Variants in SPOCK3 observed in about 807,000 individuals in gnomAD.
SPOCK3 encodes testican-3.
A neutral mutation model predicts 56.6 loss-of-function variants in SPOCK3; 30 were observed. The observed-to-expected ratio is 0.53, with a 90% confidence interval of 0.40 to 0.72. The LOEUF (loss-of-function observed/expected upper bound fraction) is 0.72. Ranked by LOEUF, SPOCK3 falls within the 30% of genes least tolerant of loss-of-function variation. The probability of loss-of-function intolerance (pLI) is 0.00; values close to 1 mark genes in which losing one functional copy is unlikely to be tolerated. For synonymous variants in SPOCK3, 196 were observed against 183.3 expected (o/e 1.07, Z -0.56); for missense variants, 527 against 530.0 (o/e 0.99, Z 0.06).
At chr4:167,014,206 C>G (rs150466920) in intron 3 of SPOCK3, among the ~76,000 whole-genome samples, 12 of 152,064 alleles carry the variant, frequency 7.9e-5, no homozygotes, top group African/African-American at 2.9e-4. Context: ...AGAATTTCCT[C>G]CATGCAATAA....
At chr4:167,059,479 A>G (rs1475416159) in intron 3 of SPOCK3, among the ~76,000 whole-genome samples, 48 of 151,810 alleles carry the variant, frequency 3.2e-4, no homozygotes, top group Admixed American at 1.4e-3. Context: ...TTAGAATGGC[A>G]ATCATTAAAA....
intron 2 of SPOCK3, among the ~76,000 whole-genome samples, chr4:167,137,221 C>T (rs1763197740): frequency 6.6e-6 from 1 of 151,660 alleles, no homozygotes; most frequent in African/African-American, 2.4e-5. Context: ...GAGGCGATAC[C>T]CAAATAAATA....
intron 2 of SPOCK3, among the ~76,000 whole-genome samples, chr4:167,178,310 C>T (rs979360446): frequency 6.6e-6 from 1 of 152,128 alleles, no homozygotes; most frequent in African/African-American, 2.4e-5. Flanking sequence ...CAACCCTTTG[C>T]CATTGTTTAA....
chr4:167,095,454 A>C (rs1366105324), intron 2 of SPOCK3, among the ~76,000 whole-genome samples: 1 of 152,078 alleles, frequency 6.6e-6, no homozygotes, highest in Non-Finnish European at 1.5e-5. Context: ...ATCCTAAGGC[A>C]AGCAGTAGAA....
At chr4:167,178,693 T>A (rs1731192619) in intron 2 of SPOCK3, among the ~76,000 whole-genome samples, 1 of 152,056 alleles carries the variant, frequency 6.6e-6, no homozygotes, top group African/African-American at 2.4e-5. Flanking sequence ...AGAGATATGA[T>A]AATAACATAC....
At chr4:166,896,028 C>T (rs995006514) in intron 5 of SPOCK3, among the ~76,000 whole-genome samples, 6 of 151,962 alleles carry the variant, frequency 3.9e-5, no homozygotes, top group African/African-American at 7.3e-5. Flanking sequence ...GGGAAGAAGT[C>T]CTGGCAATGG....
At chr4:167,207,815 A>T (rs546292896) in intron 2 of SPOCK3, among the ~76,000 whole-genome samples, 4 of 152,150 alleles carry the variant, frequency 2.6e-5, no homozygotes, top group Non-Finnish European at 4.4e-5. Context: ...GCACATGTAT[A>T]CATATGGTAA....
intron 6 of SPOCK3, among the ~76,000 whole-genome samples, chr4:166,836,186 A>T (rs924079366): frequency 6.6e-6 from 1 of 152,190 alleles, no homozygotes; most frequent in South Asian, 2.1e-4. Flanking sequence ...GTGAGGACCC[A>T]CTATATCCTG....
chr4:167,158,766 T>G (rs1020181027), intron 2 of SPOCK3, among the ~76,000 whole-genome samples: 6 of 152,022 alleles, frequency 3.9e-5, no homozygotes, highest in African/African-American at 1.4e-4. Flanking sequence ...TCTAAACTTT[T>G]TACCTGAACT....
chr4:166,961,835 C>T (rs187170759), intron 4 of SPOCK3, among the ~76,000 whole-genome samples: 1 of 152,250 alleles, frequency 6.6e-6, no homozygotes, highest in East Asian at 1.9e-4. Context: ...TCTTCTGCCT[C>T]ACTTACCAGC....
At chr4:167,168,902 T>A (rs918518118) in intron 2 of SPOCK3, among the ~76,000 whole-genome samples, 6 of 152,096 alleles carry the variant, frequency 3.9e-5, no homozygotes, top group African/African-American at 1.4e-4. Flanking sequence ...AGGGACTTGG[T>A]GTCCTAAGTC....
chr4:167,130,537 TTAAAA>T (rs1302970612), intron 2 of SPOCK3, among the ~76,000 whole-genome samples: 1 of 152,090 alleles, frequency 6.6e-6, no homozygotes, highest in Non-Finnish European at 1.5e-5. Context: ...TTTGTGAAAG[TTAAAA>T]TAAAAAATAC....
intron 6 of SPOCK3, among the ~76,000 whole-genome samples, chr4:166,809,970 AC>A (rs1205815343): frequency 2.6e-5 from 4 of 152,088 alleles, no homozygotes; most frequent in African/African-American, 9.7e-5. Flanking sequence ...ACCTTTCCTG[AC>A]TAATATGAAT....
intron 2 of SPOCK3, among the ~76,000 whole-genome samples, chr4:167,218,808 C>T (rs1441890207): frequency 6.6e-6 from 1 of 152,130 alleles, no homozygotes; most frequent in African/African-American, 2.4e-5. Flanking sequence ...ATGACAATAA[C>T]ATTAGCAAAG....
At chr4:166,825,193 G>A (rs750646712) in intron 6 of SPOCK3, among the ~76,000 whole-genome samples, 16 of 152,028 alleles carry the variant, frequency 1.1e-4, no homozygotes, top group Non-Finnish European at 2.4e-4. Flanking sequence ...TACGTCTCAA[G>A]TAACATTAGA....
intron 2 of SPOCK3, among the ~76,000 whole-genome samples, chr4:167,086,993 G>C (rs34098560): frequency 0.026 from 3,920 of 152,240 alleles, 82 homozygotes; most frequent in Middle Eastern, 0.061. Context: ...TAGCAATCAT[G>C]ATGCAGGAAT....
chr4:166,813,514 AATT>A (rs1379019561), intron 6 of SPOCK3, among the ~76,000 whole-genome samples: 2 of 152,066 alleles, frequency 1.3e-5, no homozygotes, highest in African/African-American at 4.8e-5. Context: ...TTCAGTGAGG[AATT>A]ATTATCAGAA....
chr4:167,083,327 A>G (rs7654164), intron 2 of SPOCK3: 56,315 of 764,014 alleles, frequency 0.074, 2,796 homozygotes, highest in African/African-American at 0.2. Flanking sequence ...GATGCCCCAC[A>G]GTTCCCCACC....
At chr4:166,976,997 G>A (rs1299715400) in intron 4 of SPOCK3, among the ~76,000 whole-genome samples, 4 of 151,968 alleles carry the variant, frequency 2.6e-5, no homozygotes, top group African/African-American at 9.6e-5. Context: ...GGCGTGATAA[G>A]CACACATGGT....
Sources: gnomAD v4.1 joint callset for allele counts (sites outside exome capture counted in the v4.1 genomes callset) on GRCh38, gnomAD v4.1.1 for gene constraint, MANE v1.5 for transcripts, NCBI Gene and HGNC (gene_info 2026-07-23, HGNC 2026-07-21) for gene names.